Variants in SRGAP2 observed in about 807,000 individuals in gnomAD.
The protein encoded by SRGAP2 is SLIT-ROBO Rho GTPase activating protein 2, also known as SLIT-ROBO Rho GTPase-activating protein 2.
In SRGAP2, 15 loss-of-function variants were observed where a neutral mutation model predicts 57.2. The observed-to-expected ratio is 0.26, with a 90% CI of 0.18 to 0.40. SRGAP2 has a LOEUF of 0.40. SRGAP2 is among the 10% of genes least tolerant of loss of function. The probability of loss-of-function intolerance (pLI) is 1.00; values close to 1 mark genes in which losing one functional copy is unlikely to be tolerated. For missense variants in SRGAP2, 520 were observed against 669.6 expected (o/e 0.78, Z 2.47); for synonymous variants, 249 against 248.0 (o/e 1.00, Z -0.04).
intron 2 of SRGAP2, among the ~76,000 whole-genome samples, chr1:206,243,479 A>G: frequency 6.6e-6 from 1 of 152,162 alleles, no homozygotes; most frequent in Non-Finnish European, 1.5e-5. Flanking sequence ...ACAGGAAACA[A>G]GATGCTTCTG....
At chr1:206,307,803 G>A (rs1416517531) in intron 3 of SRGAP2, among the ~76,000 whole-genome samples, 3 of 151,748 alleles carry the variant, frequency 2.0e-5, no homozygotes, top group Admixed American at 6.6e-5. Flanking sequence ...CGCAAGCGCC[G>A]CACGCAGCCC....
intron 21 of SRGAP2, among the ~76,000 whole-genome samples, chr1:206,456,382 A>G (rs1480889072): frequency 1.3e-5 from 2 of 152,204 alleles, no homozygotes; most frequent in African/African-American, 4.8e-5. Context: ...GGGCAAGCCA[A>G]TATCAAGTAA....
At chr1:206,302,799 GTCTCTAAAGTCAGTCTCTT>G (rs1396523057) in intron 2 of SRGAP2, among the ~76,000 whole-genome samples, 1 of 134,412 alleles carries the variant, frequency 7.4e-6, no homozygotes, top group African/African-American at 2.9e-5. Context: ...TAGGAGCATG[GTCTCTAAAGTCAGTCTCTT>G]GGGGTTTGAA....
In SRGAP2 at chr1:206,267,029, C is replaced by T. The variant is rs1342543737; in HGVS notation, c.68-36252C>T. On this transcript the variant is annotated intron_variant, in intron 2 of 22. Coordinates refer to ENST00000573034, the MANE Select transcript of SRGAP2 (RefSeq NM_015326.5). ...TGTCGCCCAGGCTGGAGTGCAGTGG[C>T]GCAATCTTGGCTCACTGCAAGCTCC... is the stretch of plus-strand genomic sequence containing the variant. Among the ~76,000 whole-genome samples the T allele has an allele frequency of 8.8e-5, 12 of 135,876 alleles. No individual in the cohort carries two copies. In the South Asian group the frequency reaches 2.6e-3, roughly 30 times the overall value. 89.1% of individuals were successfully genotyped at this position (135,876 alleles called of 152,430 possible).
intron 4 of SRGAP2, among the ~76,000 whole-genome samples, chr1:206,360,041 C>T (rs1478597940): frequency 7.9e-5 from 12 of 151,718 alleles, no homozygotes; most frequent in African/African-American, 2.2e-4. Context: ...CTCCTGACCT[C>T]GTGATCCGCC....
intron 4 of SRGAP2, among the ~76,000 whole-genome samples, chr1:206,366,203 C>A (rs1571969185): frequency 6.6e-6 from 1 of 152,368 alleles, no homozygotes; most frequent in East Asian, 1.9e-4. Context: ...AAAAGGTGTG[C>A]ATGCTCTGGC....
intron 2 of SRGAP2, among the ~76,000 whole-genome samples, chr1:206,262,430 A>G (rs1462274016): frequency 4.8e-5 from 7 of 147,140 alleles, no homozygotes; most frequent in Non-Finnish European, 9.1e-5. Context: ...TTTTGGAGCA[A>G]AGGAAGGCAC....
chr1:206,460,972 G>A (rs1482962666), intron 22 of SRGAP2, 65 bp from the exon 23 acceptor site: 2 of 657,080 alleles, frequency 3.0e-6, no homozygotes, highest in African/African-American at 3.6e-5. Flanking sequence ...CTGTGTTGTT[G>A]AAACCGGCTC....
intron 2 of SRGAP2, among the ~76,000 whole-genome samples, chr1:206,258,052 A>T (rs1423572932): frequency 6.6e-6 from 1 of 152,124 alleles, no homozygotes. Context: ...AGCATGGTGG[A>T]ACCCAGAGGA....
chr1:206,243,717 A>G (rs1318691675), intron 2 of SRGAP2, among the ~76,000 whole-genome samples: 1 of 152,308 alleles, frequency 6.6e-6, no homozygotes, highest in Non-Finnish European at 1.5e-5. Context: ...TGCTTCTTCC[A>G]TGGAGACCAT....
At position 206,421,252 on chromosome 1, in the gene SRGAP2, G is replaced by A. The variant is rs368897950; in HGVS notation, c.1472G>A (p.Arg491His). The part of the protein sequence containing the change: ...SQRTDCSLAR[R>H]SSTVRKQDSS... Reference sequence around the variant, plus strand: ...TGATTCGGCGGGATTGGTCACAGGCGCAGCTCAACTGTGAGGAAACAGGTA... The same window carrying A: ...TGATTCGGCGGGATTGGTCACAGGCACAGCTCAACTGTGAGGAAACAGGTA... Residue 491 changes from arginine (R) to histidine (H), a missense_variant and splice_region_variant, in exon 13 of 23, where the codon CGC (arginine) becomes CAC (histidine). Arg to His is a conservative substitution (Grantham distance 29, BLOSUM62 0). This residue lies in a region of SRGAP2 where 478 missense variants were observed against 373.6 expected (regional missense o/e 1.28). Coordinates refer to ENST00000573034, the MANE Select transcript of SRGAP2 (RefSeq NM_015326.5). The A allele has an allele frequency of 1.3e-4, 105 of 778,034 alleles. No individual in the cohort carries two copies. Among genetic ancestry groups the A allele is most frequent in the African/African-American group, 9.6e-4 (57 of 59,150 alleles). 48.2% of individuals were successfully genotyped at this position (778,034 alleles called of 1,614,324 possible).
chr1:206,347,285 A>C (rs1434186430), intron 4 of SRGAP2, among the ~76,000 whole-genome samples: 1 of 152,148 alleles, frequency 6.6e-6, no homozygotes, highest in Admixed American at 6.5e-5. Flanking sequence ...AAAACAAAAA[A>C]CAAAACAGAG....
chr1:206,296,677 C>A (rs1235400072), intron 2 of SRGAP2: 2 of 152,202 alleles, frequency 1.3e-5, no homozygotes, highest in Non-Finnish European at 1.5e-5. Flanking sequence ...AGTAATCGGC[C>A]CACCTCGGCT....
intron 2 of SRGAP2, among the ~76,000 whole-genome samples, chr1:206,210,507 A>T (rs1184085953): frequency 7.6e-6 from 1 of 131,594 alleles, no homozygotes; most frequent in Non-Finnish European, 1.6e-5. Flanking sequence ...GAGCATTTTG[A>T]TAGAAAAAGT....
chr1:206,341,233 G>A (rs1299320122), intron 3 of SRGAP2, among the ~76,000 whole-genome samples: 1 of 152,190 alleles, frequency 6.6e-6, no homozygotes, highest in African/African-American at 2.4e-5. Flanking sequence ...CTGAATGGAG[G>A]CAGTACTGAC....
At chr1:206,448,733 C>G (rs1224899193) in intron 18 of SRGAP2, among the ~76,000 whole-genome samples, 1 of 152,172 alleles carries the variant, frequency 6.6e-6, no homozygotes, top group East Asian at 1.9e-4. Context: ...GAAAGTTTGC[C>G]TTTGAACCTC....
At chr1:206,428,153 A>G (rs1048009297) in intron 13 of SRGAP2, among the ~76,000 whole-genome samples, 1 of 152,112 alleles carries the variant, frequency 6.6e-6, no homozygotes. Context: ...GTGGTGACTC[A>G]CGCCTGTAAT....
At chr1:206,270,678 T>C (rs1670133139) in intron 2 of SRGAP2, among the ~76,000 whole-genome samples, 2 of 132,418 alleles carry the variant, frequency 1.5e-5, no homozygotes, top group Middle Eastern at 4.0e-3. Flanking sequence ...CAGATTGATA[T>C]GTACTAATAT....
In SRGAP2 at chr1:206,339,278, C is replaced by T. The variant is rs549739182; in HGVS notation, c.261-3568C>T. Among the ~76,000 whole-genome samples the T allele has an allele frequency of 2.2e-4, 34 of 152,218 alleles. No homozygotes were observed. In the South Asian group the frequency reaches 6.4e-3, roughly 29 times the overall value. ...CATGTTGATTTTCGCTACCCAACCA[C>T]GGTCTAACATGAACCCAGCCTAGGC... On this transcript the variant is annotated intron_variant, in intron 3 of 22. Coordinates refer to ENST00000573034, the MANE Select transcript of SRGAP2 (RefSeq NM_015326.5).
Sources: gnomAD v4.1 joint callset for allele counts (sites outside exome capture counted in the v4.1 genomes callset) on GRCh38, gnomAD v4.1.1 for gene constraint, gnomAD v4.1.1 regional missense constraint, MANE v1.5 for transcripts, NCBI Gene and HGNC (gene_info 2026-07-23, HGNC 2026-07-21) for gene names.